The following PKD1 variants were observed in gnomAD, a reference collection of about 807,000 sequenced individuals.
The protein encoded by PKD1 is polycystin-1.
A neutral mutation model predicts 361.7 loss-of-function variants in PKD1; 81 were observed. That is an observed-to-expected ratio of 0.22 (90% CI 0.19 to 0.27). The LOEUF (loss-of-function observed/expected upper bound fraction) is 0.27. Ranked by LOEUF, PKD1 falls within the 10% of genes least tolerant of loss-of-function variation. PKD1 has a pLI of 1.00. For missense variants in PKD1, 6,399 were observed against 6,118.3 expected (o/e 1.05, Z -1.53); for synonymous variants, 3,615 against 2,818.3 (o/e 1.28, Z -8.95).
chr16:2,124,797 G>T (rs924456790), intron 1 of PKD1, among the ~76,000 whole-genome samples: 1 of 152,242 alleles, frequency 6.6e-6, no homozygotes, highest in African/African-American at 2.4e-5. Context: ...AACTGGGCTG[G>T]GGGGACCGGC....
intron 30 of PKD1, chr16:2,099,217 C>T: frequency 2.9e-6 from 1 of 349,878 alleles, no homozygotes; most frequent in South Asian, 2.2e-5. Context: ...CCACCTCGGC[C>T]ACCTGAAGTG....
chr16:2,110,336 C>G lies in PKD1; in HGVS notation c.4831G>C (p.Val1611Leu), dbSNP rs536739835. The stretch of plus-strand genomic sequence containing the variant: ...GAGCCCACCTCGTTCTCAGCCGTGA[C>G]GATGATATTGAAGGTGCCCACGGAG... ...FRSVGTFNIIVTAENEVGSAQ... is the reference protein window; with the variant it reads ...FRSVGTFNIILTAENEVGSAQ... Residue 1611 changes from valine to leucine, a missense_variant, in exon 15 of 46, where the codon GTC (valine) becomes CTC (leucine). Val to Leu is a conservative substitution (Grantham distance 32). Coordinates refer to ENST00000262304, the MANE Select transcript of PKD1 (RefSeq NM_001009944.3). 17 of 1,612,518 alleles carry G rather than the reference C, an allele frequency of 1.1e-5. No individual in the cohort carries two copies. The highest frequency in any genetic ancestry group is 1.4e-5 in the Non-Finnish European group (16 of 1,179,866).
intron 34 of PKD1, among the ~76,000 whole-genome samples, chr16:2,096,551 T>C (rs2091856876): frequency 1.3e-5 from 2 of 152,200 alleles, no homozygotes; most frequent in Admixed American, 6.5e-5. Flanking sequence ...GTTTCGCTCT[T>C]GTTGCCCAGG....
At position 2,090,530 on chromosome 16, in the gene PKD1, G is replaced by T; in HGVS notation, c.12199C>A (p.Pro4067Thr). Reference sequence around the variant, plus strand: ...CACAGGGTAGAGAGCCCAGTCCCAGGGCACAGCACCAACAGGGCCTGGGCC... The same window carrying T: ...CACAGGGTAGAGAGCCCAGTCCCAGTGCACAGCACCAACAGGGCCTGGGCC... Reference protein sequence around the residue: ...SVAQALLVLCPGTGLSTLCPA... With the variant: ...SVAQALLVLCTGTGLSTLCPA... The change falls in exon 45 of 46, where the codon CCT (proline) becomes ACT (threonine). Residue 4067 changes from proline (P) to threonine (T), a missense_variant. By Grantham distance (38) the Pro-to-Thr change is conservative (BLOSUM62 -1). Coordinates refer to ENST00000262304, the MANE Select transcript of PKD1 (RefSeq NM_001009944.3). 6.2e-7 allele frequency: 1 copy of T among 1,610,460 alleles called. No homozygotes were observed. Among genetic ancestry groups the T allele is most frequent in the East Asian group, 2.2e-5 (1 of 44,828 alleles).
Position 2,091,533 on chromosome 16 carries a change from T to C in PKD1, c.11602A>G (p.Thr3868Ala), listed in dbSNP as rs1349594485. 6.7e-7 allele frequency: 1 copy of C among 1,501,186 alleles called. No individual in the cohort carries two copies. Among genetic ancestry groups the C allele is most frequent in the Non-Finnish European group, 8.8e-7 (1 of 1,138,492 alleles). 93.0% of individuals were successfully genotyped at this position (1,501,186 alleles called of 1,614,324 possible). The change falls in exon 42 of 46, where the codon ACG becomes GCG. Residue 3868 changes from threonine to alanine, a missense_variant. Thr to Ala is a moderately conservative substitution (Grantham distance 58). Transcript: ENST00000262304. Reference sequence around the variant, plus strand: ...GCCGCCGGGAACTCGAGGCGCAGCGTGACGGCGGCGTGCAGCCCCACGGCC... The same window carrying C: ...GCCGCCGGGAACTCGAGGCGCAGCGCGACGGCGGCGTGCAGCCCCACGGCC... ...SPAVGLHAAV[T>A]LRLEFPAAGR...
At position 2,102,927 on chromosome 16, in the gene PKD1, G is replaced by A. The variant is rs1320785726; in HGVS notation, c.8835C>T (p.Tyr2945=). 18 of 1,609,002 alleles carry A rather than the reference G, an allele frequency of 1.1e-5. No homozygotes were observed. The highest frequency in any genetic ancestry group is 1.7e-5 in the Admixed American group (1 of 60,008). ...SEEPEPYLAV[Y]LHSEPRPNEH... ...CATTGGGCCGGGGCTCCGAGTGTAG[G>A]TAGACTGCCAGGTAGGGCTCAGGTT... The change falls in exon 24 of 46, where the codon TAC becomes TAT. Residue 2945 remains tyrosine, a synonymous_variant. Coordinates refer to ENST00000262304, the MANE Select transcript of PKD1 (RefSeq NM_001009944.3).
chr16:2,103,468 G>A lies in PKD1; in HGVS notation c.8589C>T (p.Ile2863=), dbSNP rs745867613. The change falls in exon 23 of 46, where the codon ATC becomes ATT. Residue 2863 remains isoleucine, a synonymous_variant. Coordinates refer to ENST00000262304, the MANE Select transcript of PKD1 (RefSeq NM_001009944.3). ...TGGCGCGCTCTGAGGCCAGCCGCTC[G>A]ATGGGGATCTGGGCGCCGGCCTGTG... The part of the protein sequence containing the change: ...FQTQAGAQIP[I]ERLASERAIT... 1.2e-5 allele frequency: 19 copies of A among 1,600,680 alleles called. No individual in the cohort carries two copies. Among genetic ancestry groups the A allele is most frequent in the Admixed American group, 5.0e-5 (3 of 59,994 alleles).
chr16:2,097,602 C>T (rs895624865), intron 32 of PKD1, 99 bp from the exon 33 acceptor site: 2 of 1,609,770 alleles, frequency 1.2e-6, no homozygotes, highest in African/African-American at 2.7e-5. Flanking sequence ...TCCGAGCAAA[C>T]CTGCTCCCGG....
At chr16:2,132,205 G>T (rs1242002122) in intron 1 of PKD1, among the ~76,000 whole-genome samples, 1 of 145,658 alleles carries the variant, frequency 6.9e-6, no homozygotes, top group African/African-American at 2.6e-5. Flanking sequence ...AGGTGAGATC[G>T]CGCCACTGCA....
At position 2,114,468 on chromosome 16, in the gene PKD1, C is replaced by A. The variant is rs1567210413; in HGVS notation, c.2555G>T (p.Gly852Val). Residue 852 changes from glycine to valine, a missense_variant, in exon 11 of 46, where the codon GGT (glycine) becomes GTT (valine). By Grantham distance (109) the Gly-to-Val change is moderately radical (BLOSUM62 -3). Coordinates refer to ENST00000262304, the MANE Select transcript of PKD1 (RefSeq NM_001009944.3). ...GSALVLQVDS[G>V]ANATATARWP... is the part of the protein sequence containing the mutation. ...GCGAGCCGTGGCCGTGGCGTTGGCA[C>A]CAGAGTCCACCTGGAGCACCAAGGC... 4.4e-6 allele frequency: 7 copies of A among 1,597,216 alleles called. No homozygotes were observed. Among genetic ancestry groups the A allele is most frequent in the African/African-American group, 1.3e-5 (1 of 74,970 alleles).
At chr16:2,108,119 C>A in intron 15 of PKD1, 87 bp from the exon 16 acceptor site, 1 of 1,514,322 alleles carries the variant, frequency 6.6e-7, no homozygotes, top group Non-Finnish European at 9.1e-7. Flanking sequence ...GCGCGGGAGA[C>A]CCCCTCCCCA....
At chr16:2,107,320 A>C (rs1317651861) in intron 16 of PKD1, 1 of 383,142 alleles carries the variant, frequency 2.6e-6, no homozygotes, top group African/African-American at 2.1e-5. Flanking sequence ...GCCCTTAGCC[A>C]GGGCCTGGGT....
intron 10 of PKD1, 199 bp downstream of exon 10, chr16:2,115,179 C>T (rs1373180859): frequency 7.4e-6 from 5 of 679,180 alleles, no homozygotes; most frequent in East Asian, 1.4e-4. Flanking sequence ...AGGCACAGCT[C>T]GTGCCAAGGG....
Position 2,108,999 on chromosome 16 carries a change from C to T in PKD1, c.6168G>A (p.Glu2056=), listed in dbSNP as rs1183800563. The change falls in exon 15 of 46, where the codon GAG becomes GAA. Residue 2056 remains glutamate, a synonymous_variant. Transcript: ENST00000262304. The stretch of plus-strand genomic sequence containing the variant: ...CCACATACTGGACGGCGTCCTGAAC[C>T]TCCAGCACCAGCGTGCGGTTCTCAC... ...LGSENRTLVL[E]VQDAVQYVAL... 2 of 1,610,410 alleles carry T rather than the reference C, an allele frequency of 1.2e-6. No individual in the cohort carries two copies. Among genetic ancestry groups the T allele is most frequent in the Non-Finnish European group, 1.7e-6 (2 of 1,179,250 alleles).
rs755505600 is a variant in PKD1, at chr16:2,109,277, G to A, written c.5890C>T (p.Arg1964Cys). Residue 1964 changes from arginine to cysteine, a missense_variant, in exon 15 of 46, where the codon CGC (arginine) becomes TGC (cysteine). Transcript: ENST00000262304. ...NHVSWAQAQV[R>C]IVVLEAVSGL... ...CTCACGGCCTCCAGCACCACGATGC[G>A]CACCTGCGCCTGGGCCCAGCTCACG... The A allele has an allele frequency of 1.7e-5, 27 of 1,583,350 alleles. No homozygotes were observed. Among genetic ancestry groups the A allele is most frequent in the Admixed American group, 3.4e-5 (2 of 59,306 alleles).
In PKD1 at chr16:2,105,898, C is replaced by T; in HGVS notation, c.7830G>A (p.Glu2610=). 1.3e-6 allele frequency: 2 copies of T among 1,596,492 alleles called. No individual in the cohort carries two copies. The highest frequency in any genetic ancestry group is 1.7e-6 in the Non-Finnish European group (2 of 1,179,690). The change falls in exon 20 of 46, where the codon GAG becomes GAA. Residue 2610 remains glutamate (E), a synonymous_variant. Transcript: ENST00000262304. ...GCACGGTGACCAGGGCCAACGAGTACTCGATGACGTGCTGGGGATCGGCCT... is the reference window on the plus strand; with the variant it reads ...GCACGGTGACCAGGGCCAACGAGTATTCGATGACGTGCTGGGGATCGGCCT... The part of the protein sequence containing the change: ...LRQADPQHVI[E]YSLALVTVLN...
intron 1 of PKD1, among the ~76,000 whole-genome samples, chr16:2,122,707 C>T (rs529258511): frequency 2.0e-5 from 3 of 152,306 alleles, no homozygotes; most frequent in South Asian, 2.1e-4. Flanking sequence ...AGGGACTTTC[C>T]AGCGGCTGCG....
chr16:2,122,425 C>A (rs1218260411), intron 1 of PKD1, among the ~76,000 whole-genome samples: 3 of 152,218 alleles, frequency 2.0e-5, no homozygotes, highest in Non-Finnish European at 4.4e-5. Flanking sequence ...TCCCCCCTAA[C>A]TGAACCCTGC....
intron 26 of PKD1, among the ~76,000 whole-genome samples, chr16:2,101,536 T>G (rs1401772968): frequency 6.6e-6 from 1 of 152,146 alleles, no homozygotes; most frequent in African/African-American, 2.4e-5. Flanking sequence ...GGGAATGGCT[T>G]AAACCCGGGA....
Sources: gnomAD v4.1 joint callset for allele counts (sites outside exome capture counted in the v4.1 genomes callset) on GRCh38, gnomAD v4.1.1 for gene constraint, MANE v1.5 for transcripts, NCBI Gene and HGNC (gene_info 2026-07-23, HGNC 2026-07-21) for gene names.